The following CEP131 variants were observed in gnomAD, a reference collection of about 807,000 sequenced individuals.
CEP131 encodes centrosomal protein 131.
In CEP131, 99 loss-of-function variants were observed where a neutral mutation model predicts 136.8. The ratio of observed to expected loss-of-function variants is 0.72; its 90% confidence interval spans 0.62 to 0.86. The LOEUF (loss-of-function observed/expected upper bound fraction) is 0.86, where lower values mean the gene tolerates loss of function less well. CEP131 is among the 40% of genes least tolerant of loss of function. The pLI is 0.00. For missense variants in CEP131, 1,459 were observed against 1,463.0 expected (o/e 1.00, Z 0.04); for synonymous variants, 646 against 612.7 (o/e 1.05, Z -0.80).
chr17:81,212,295 C>G (rs1443485595), intron 2 of CEP131, among the ~76,000 whole-genome samples: 2 of 145,260 alleles, frequency 1.4e-5, no homozygotes, highest in African/African-American at 2.5e-5. Context: ...GCACTCCAGC[C>G]TGGGCGACAG....
intron 5 of CEP131, 24 bp downstream of exon 5, chr17:81,206,720 C>A: frequency 6.3e-7 from 1 of 1,591,564 alleles, no homozygotes; most frequent in South Asian, 1.1e-5. Flanking sequence ...TGGTGCCCGT[C>A]GTGGGCACCT....
chr17:81,194,129 T>C lies in CEP131; in HGVS notation c.2120-2A>G. On this transcript the variant is annotated splice_acceptor_variant, in intron 17 of 25. Transcript: ENST00000450824. LOFTEE classifies it high-confidence loss of function. ...GCTTCTGGATCTCGGGCTCCAGACC[T>C]GGGGGCGGGGCACCAGCTAGGGCCA... 1 of 1,518,844 alleles carries C rather than the reference T, an allele frequency of 6.6e-7. No individual in the cohort carries two copies. Among genetic ancestry groups the C allele is most frequent in the Non-Finnish European group, 8.8e-7 (1 of 1,134,898 alleles). The allele number at this position is 1,518,844 out of a possible 1,614,324, so 94.1% of individuals were successfully genotyped here. A position where few individuals can be genotyped will look rare whatever the true frequency, so the allele number is the denominator to read the frequency against.
Position 81,219,334 on chromosome 17 carries a change from G to A in CEP131, c.177+546C>T, listed in dbSNP as rs572218984. 1.1e-4 allele frequency among the ~76,000 whole-genome samples: 15 copies of A among 138,220 alleles called. No homozygotes were observed. The highest frequency in any genetic ancestry group is 3.3e-4 in the African/African-American group (12 of 36,478). The allele number at this position is 138,220 out of a possible 152,430, so 90.7% of individuals were successfully genotyped here. A position where few individuals can be genotyped will look rare whatever the true frequency, so the allele number is the denominator to read the frequency against. Reference sequence around the variant, plus strand: ...TTTTGAGATGGCATCTCACTCTGTCGCCAGGCTGGAGTGCAACGGCACGAT... The same window carrying A: ...TTTTGAGATGGCATCTCACTCTGTCACCAGGCTGGAGTGCAACGGCACGAT... On this transcript the variant is annotated intron_variant, in intron 2 of 25. Transcript: ENST00000450824. This position sits in a 1 kb window ranked among gnomAD's most constrained non-coding sequence, Gnocchi z 4.0.
rs533880823 is a variant in CEP131 at position 81,194,799 on chromosome 17, C to T, written c.2119+71G>A. 6.4e-6 allele frequency: 8 copies of T among 1,241,702 alleles called. 1 individual carries two copies. Among genetic ancestry groups the T allele is most frequent in the South Asian group, 6.0e-5 (5 of 83,684 alleles). The allele number at this position is 1,241,702 out of a possible 1,614,324, so 76.9% of individuals were successfully genotyped here. ...ACTACATGAATGCCTGAAGTTATGGCTCTCTCAAAAGAAGCCCTGGCCGCA... is the reference window on the plus strand; with the variant it reads ...ACTACATGAATGCCTGAAGTTATGGTTCTCTCAAAAGAAGCCCTGGCCGCA... On this transcript the variant is annotated intron_variant, in intron 17 of 25. Transcript: ENST00000450824.
rs201790202 is a variant in CEP131 at position 81,220,060 on chromosome 17, G to A, written c.-4C>T. 1.5e-5 allele frequency: 23 copies of A among 1,569,536 alleles called. No homozygotes were observed. The highest frequency in any genetic ancestry group is 2.3e-5 in the East Asian group (1 of 42,728). On this transcript the variant is annotated 5_prime_UTR_variant, in exon 2 of 26. Transcript: ENST00000450824. ...CGATGGCCCGGGTGCCTTTCATGGT[G>A]GACAAGGCAGGTCCTGAGCGGGGAA...
At chr17:81,220,187 AAGGC>A (rs1370057994) in intron 1 of CEP131, 114 bp from the exon 2 acceptor site, 56 of 888,098 alleles carry the variant, frequency 6.3e-5, no homozygotes, top group Non-Finnish European at 8.1e-5. Context: ...ACTTCCTGGG[AAGGC>A]CTGTCACAAC....
chr17:81,206,998 C>A, intron 4 of CEP131, 127 bp from the exon 5 acceptor site: 1 of 1,520,118 alleles, frequency 6.6e-7, no homozygotes, highest in South Asian at 1.3e-5. Context: ...CTGGGGTCTG[C>A]CATGTCAGAT....
intron 2 of CEP131, among the ~76,000 whole-genome samples, chr17:81,210,029 C>A (rs2062096233): frequency 1.0e-5 from 1 of 100,058 alleles, no homozygotes; most frequent in Admixed American, 1.1e-4. Flanking sequence ...AGGATCAGAG[C>A]GCTCGGAGAA....
At chr17:81,193,865 C>T (rs1253381280) in intron 18 of CEP131, 61 bp downstream of exon 18, 20 of 1,502,922 alleles carry the variant, frequency 1.3e-5, no homozygotes, top group South Asian at 3.7e-5. Flanking sequence ...CTCCAGCCTT[C>T]GAGGATTCCG....
In CEP131 at chr17:81,203,789, T is replaced by G. The variant is rs891384799; in HGVS notation, c.516-182A>C. The G allele has an allele frequency of 1.4e-5, 8 of 585,362 alleles. No homozygotes were observed. Among genetic ancestry groups the G allele is most frequent in the Admixed American group, 3.0e-5 (1 of 32,928 alleles). The allele number at this position is 585,362 out of a possible 1,614,324, so 36.3% of individuals were successfully genotyped here. Reference sequence around the variant, plus strand: ...CACAGCCTGCGCCCTGATGATGGGGTTCTTCCCAGGACAGGAAAGCTGGAC... The same window carrying G: ...CACAGCCTGCGCCCTGATGATGGGGGTCTTCCCAGGACAGGAAAGCTGGAC... On this transcript the variant is annotated intron_variant, in intron 5 of 25. Coordinates refer to ENST00000450824, the MANE Select transcript of CEP131 (RefSeq NM_014984.4). The surrounding 1 kb of genome is among the most constrained non-coding windows in gnomAD (Gnocchi z 4.6).
At position 81,208,960 on chromosome 17, in the gene CEP131, C is replaced by T. The variant is rs140020797; in HGVS notation, c.240G>A (p.Thr80=). The T allele has an allele frequency of 5.9e-5, 96 of 1,613,960 alleles. No individual in the cohort carries two copies. The highest frequency in any genetic ancestry group is 8.3e-5 in the Admixed American group (5 of 60,004). The change falls in exon 3 of 26, where the codon ACG becomes ACA. Residue 80 remains threonine (T), a synonymous_variant. Coordinates refer to ENST00000450824, the MANE Select transcript of CEP131 (RefSeq NM_014984.4). This position sits in a 1 kb window ranked among gnomAD's most constrained non-coding sequence, Gnocchi z 5.6. Reference sequence around the variant, plus strand: ...AGCCGCTCCGAGGCTGGCTGACCTGCGTGGTGCTGTTGGATCTTCTAAGGT... The same window carrying T: ...AGCCGCTCCGAGGCTGGCTGACCTGTGTGGTGCTGTTGGATCTTCTAAGGT... ...INNLRRSNST[T]QVSQPRSGSP... is the part of the protein sequence containing the mutation.
At chr17:81,216,620 G>T (rs2062252088) in intron 2 of CEP131, among the ~76,000 whole-genome samples, 1 of 152,266 alleles carries the variant, frequency 6.6e-6, no homozygotes, top group Non-Finnish European at 1.5e-5. Flanking sequence ...ACTGATGCCT[G>T]TGTGCCCAGA....
At position 81,215,767 on chromosome 17, in the gene CEP131, A is replaced by G. The variant is rs1304702130; in HGVS notation, c.177+4113T>C. On this transcript the variant is annotated intron_variant, in intron 2 of 25. Transcript: ENST00000450824. The surrounding 1 kb of genome is among the most constrained non-coding windows in gnomAD (Gnocchi z 4.1). The stretch of plus-strand genomic sequence containing the variant: ...TCTGACCCAGTAGTTATCCTTTAGG[A>G]TTTATTCTACAGGCGTATTTACATG... Among the ~76,000 whole-genome samples the G allele has an allele frequency of 6.6e-6, 1 of 152,162 alleles. No individual in the cohort carries two copies. Among genetic ancestry groups the G allele is most frequent in the Non-Finnish European group, 1.5e-5 (1 of 68,030 alleles).
Position 81,196,810 on chromosome 17 carries a change from A to T in CEP131, c.1790T>A (p.Leu597His). The stretch of plus-strand genomic sequence containing the variant: ...TGTCTCCTTGACCCGCCGGGCCGTG[A>T]GGTCTCGCTGCTGCGCCTGCAGGGT... ...LQRALAQQRD[L>H]TARRVKETEK... Residue 597 changes from leucine (L) to histidine (H), a missense_variant, in exon 15 of 26, where the codon CTC becomes CAC. By Grantham distance (99) the Leu-to-His change is moderately conservative (BLOSUM62 -3). Transcript: ENST00000450824. 2 of 1,593,552 alleles carry T rather than the reference A, an allele frequency of 1.3e-6. No homozygotes were observed. Among genetic ancestry groups the T allele is most frequent in the African/African-American group, 2.7e-5 (2 of 74,806 alleles).
chr17:81,199,246 G>T, intron 10 of CEP131, 135 bp downstream of exon 10: 2 of 1,095,176 alleles, frequency 1.8e-6, no homozygotes, highest in Non-Finnish European at 1.3e-6. Context: ...GGGGGCCAAG[G>T]CCCCTAACTC....
chr17:81,193,183 G>C (rs1253506706), intron 18 of CEP131, among the ~76,000 whole-genome samples: 2 of 152,206 alleles, frequency 1.3e-5, no homozygotes, highest in Non-Finnish European at 2.9e-5. Context: ...GGCATGGAGG[G>C]CGGGAGGCAG....
chr17:81,212,321 C>CA (rs71166130), intron 2 of CEP131, among the ~76,000 whole-genome samples: 110,376 of 134,974 alleles, frequency 0.82, 46,251 homozygotes, highest in Non-Finnish European at 0.92. Flanking sequence ...GATTCCCTCT[C>CA]AAAAAAAAAA....
rs201227224 is a variant in CEP131, at chr17:81,195,018, C to T, written c.2017-46G>A. 8.5e-5 allele frequency: 125 copies of T among 1,472,722 alleles called. 2 individuals are homozygous for T. The Admixed American group carries it at 1.6e-3, about 19-fold the overall frequency. 91.2% of individuals were successfully genotyped at this position (1,472,722 alleles called of 1,614,324 possible). A position where few individuals can be genotyped will look rare whatever the true frequency, so the allele number is the denominator to read the frequency against. On this transcript the variant is annotated intron_variant, in intron 16 of 25. Transcript: ENST00000450824. Reference sequence around the variant, plus strand: ...GAGGAAACGACACGAAGGACACCCCCGTCCCTTTGCCACCCTGTGGGCACA... The same window carrying T: ...GAGGAAACGACACGAAGGACACCCCTGTCCCTTTGCCACCCTGTGGGCACA...
Position 81,202,366 on chromosome 17 carries a change from C to A in CEP131, c.662G>T (p.Ser221Ile), listed in dbSNP as rs866310126. ...NIIKAATCEG[S>I]ESSGFGKLPK... ...CAGCTTCCCAAAGCCGCTGCTCTCA[C>A]TGCCCTCACAGGTGGCTGCCTTGAT... Residue 221 changes from serine to isoleucine, a missense_variant, in exon 7 of 26, where the codon AGT becomes ATT. Around this residue, in one of 3 missense-constraint regions of CEP131, gnomAD observed 246 missense variants for 318.9 expected, o/e 0.77. Transcript: ENST00000450824. 1 of 1,613,610 alleles carries A rather than the reference C, an allele frequency of 6.2e-7. No homozygotes were observed.
Sources: allele counts gnomAD v4.1 joint callset (sites outside exome capture counted in the v4.1 genomes callset), GRCh38; gene constraint gnomAD v4.1.1; regional missense constraint gnomAD v4.1.1; non-coding constraint Gnocchi (gnomAD v3.1); transcripts MANE v1.5; gene names NCBI Gene and HGNC (gene_info 2026-07-23, HGNC 2026-07-21).